CNTNAP2: variants seen among roughly 807,000 people sequenced by gnomAD.
CNTNAP2 encodes contactin associated protein 2, also known as contactin-associated protein-like 2.
A neutral mutation model predicts 155.2 loss-of-function variants in CNTNAP2; 98 were observed. The observed-to-expected ratio is 0.63, with a 90% CI of 0.54 to 0.75. The LOEUF is 0.75. Among genes scored for constraint, CNTNAP2 ranks in the 30% least tolerant of loss-of-function variants. The probability of loss-of-function intolerance (pLI) is 0.00; values close to 1 mark genes in which losing one functional copy is unlikely to be tolerated. For missense variants in CNTNAP2, 1,727 were observed against 1,688.1 expected (o/e 1.02, Z -0.40); for synonymous variants, 651 against 631.2 (o/e 1.03, Z -0.47).
At chr7:146,454,295 T>C (rs1796524065) in intron 1 of CNTNAP2, among the ~76,000 whole-genome samples, 1 of 152,208 alleles carries the variant, frequency 6.6e-6, no homozygotes, top group Admixed American at 6.5e-5. Flanking sequence ...GAAGTATTTC[T>C]TACCCCCTTT....
intron 1 of CNTNAP2, among the ~76,000 whole-genome samples, chr7:146,245,277 G>A (rs1363608814): frequency 2.0e-5 from 3 of 151,990 alleles, no homozygotes; most frequent in African/African-American, 7.3e-5. Flanking sequence ...ATTGAAGTCC[G>A]GGCCAGGAAC....
chr7:148,341,955 T>C (rs9648853), intron 21 of CNTNAP2, among the ~76,000 whole-genome samples: 59,192 of 152,052 alleles, frequency 0.39, 12,260 homozygotes, highest in East Asian at 0.66. Context: ...TTCCCGAGGT[T>C]TGTGTTGTGC....
intron 11 of CNTNAP2, among the ~76,000 whole-genome samples, chr7:147,489,233 G>A (rs1023195460): frequency 2.0e-5 from 3 of 152,140 alleles, no homozygotes; most frequent in African/African-American, 7.2e-5. Flanking sequence ...ATTATATGTA[G>A]GGCTTAGAGG....
At chr7:147,578,455 G>T (rs10952696) in intron 12 of CNTNAP2, among the ~76,000 whole-genome samples, 104,137 of 151,232 alleles carry the variant, frequency 0.69, 36,381 homozygotes, top group African/African-American at 0.81. Flanking sequence ...CTACAGACAT[G>T]ACCTTATTCA....
At chr7:146,920,741 T>A (rs1005566117) in intron 3 of CNTNAP2, among the ~76,000 whole-genome samples, 1 of 152,194 alleles carries the variant, frequency 6.6e-6, no homozygotes, top group African/African-American at 2.4e-5. Flanking sequence ...GGTTGTGGAT[T>A]TTAGTTAATC....
intron 14 of CNTNAP2, among the ~76,000 whole-genome samples, chr7:147,966,035 GC>G (rs1480952758): frequency 6.6e-6 from 1 of 152,130 alleles, no homozygotes; most frequent in Non-Finnish European, 1.5e-5. Context: ...CACTAGGGGA[GC>G]AAAATGACCT....
At chr7:146,516,245 C>T (rs978145869) in intron 1 of CNTNAP2, among the ~76,000 whole-genome samples, 4 of 151,956 alleles carry the variant, frequency 2.6e-5, no homozygotes, top group African/African-American at 7.2e-5. Flanking sequence ...GAAAAAAGCA[C>T]ATGGTGCCAG....
intron 8 of CNTNAP2, among the ~76,000 whole-genome samples, chr7:147,246,563 G>C (rs948038646): frequency 1.3e-5 from 2 of 152,078 alleles, no homozygotes; most frequent in African/African-American, 4.8e-5. Flanking sequence ...GGGCCTCTAA[G>C]GGCATTAATT....
chr7:148,078,113 G>A (rs1803529717), intron 15 of CNTNAP2, among the ~76,000 whole-genome samples: 2 of 151,990 alleles, frequency 1.3e-5, no homozygotes, highest in African/African-American at 4.8e-5. Context: ...ACCCAGGCTG[G>A]AGTGCAGTGG....
intron 4 of CNTNAP2, among the ~76,000 whole-genome samples, chr7:147,079,999 C>CTTT (rs33992262): frequency 8.9e-6 from 1 of 112,888 alleles, no homozygotes; most frequent in Non-Finnish European, 1.9e-5. Flanking sequence ...AAGCCTAGTC[C>CTTT]TTTTTTTTTT....
rs1030466278 is a variant in CNTNAP2, at chr7:147,224,518, T to C, written c.1349-75623T>C. On this transcript the variant is annotated intron_variant, in intron 8 of 23. Coordinates refer to ENST00000361727, the MANE Select transcript of CNTNAP2 (RefSeq NM_014141.6). The stretch of plus-strand genomic sequence containing the variant: ...GTGCTACCGTAACAGTGTGACACTT[T>C]CTACCCTTCTTGACTAGAATACTAA... 2.6e-5 allele frequency among the ~76,000 whole-genome samples: 4 copies of C among 152,188 alleles called. No homozygotes were observed. The East Asian group carries it at 5.8e-4, about 22-fold the overall frequency.
intron 15 of CNTNAP2, among the ~76,000 whole-genome samples, chr7:148,091,203 A>G (rs1166800606): frequency 6.6e-6 from 1 of 152,176 alleles, no homozygotes; most frequent in Admixed American, 6.6e-5. Flanking sequence ...GAAAATTGCT[A>G]TGAGAGTGGA....
intron 1 of CNTNAP2, among the ~76,000 whole-genome samples, chr7:146,680,474 A>G (rs1300593468): frequency 6.6e-6 from 1 of 152,188 alleles, no homozygotes; most frequent in Non-Finnish European, 1.5e-5. Flanking sequence ...CCTTGATTAC[A>G]GCAGCTGAAG....
intron 14 of CNTNAP2, among the ~76,000 whole-genome samples, chr7:147,973,119 A>C (rs1444084918): frequency 6.9e-6 from 1 of 145,690 alleles, no homozygotes; most frequent in East Asian, 2.2e-4. Flanking sequence ...GCACCACTGC[A>C]CTCTGGCCTG....
chr7:146,558,374 C>A (rs1798227836), intron 1 of CNTNAP2, among the ~76,000 whole-genome samples: 1 of 152,108 alleles, frequency 6.6e-6, no homozygotes, highest in Admixed American at 6.6e-5. Flanking sequence ...ATCAGCATAG[C>A]TGATGGATTA....
At chr7:148,363,002 C>T (rs1227558220) in intron 21 of CNTNAP2, among the ~76,000 whole-genome samples, 4 of 151,262 alleles carry the variant, frequency 2.6e-5, no homozygotes, top group East Asian at 1.9e-4. Flanking sequence ...TTTTTTTAAA[C>T]GGAGTTTCGC....
At chr7:147,043,126 A>T (rs58583544) in intron 3 of CNTNAP2, among the ~76,000 whole-genome samples, 1 of 152,056 alleles carries the variant, frequency 6.6e-6, no homozygotes, top group East Asian at 1.9e-4. Context: ...TTGAGAGTCG[A>T]GTCTATGGTT....
At chr7:147,293,885 A>G (rs968738084) in intron 8 of CNTNAP2, among the ~76,000 whole-genome samples, 2 of 152,230 alleles carry the variant, frequency 1.3e-5, no homozygotes, top group Admixed American at 6.5e-5. Flanking sequence ...TAGAGAAAAT[A>G]TTATAAAACA....
chr7:146,327,342 T>C (rs1018861225), intron 1 of CNTNAP2, among the ~76,000 whole-genome samples: 6 of 152,148 alleles, frequency 3.9e-5, no homozygotes, highest in African/African-American at 1.4e-4. Flanking sequence ...AACATTAAAT[T>C]TACAAGAAAA....
Sources: allele counts gnomAD v4.1 joint callset (sites outside exome capture counted in the v4.1 genomes callset), GRCh38; gene constraint gnomAD v4.1.1; transcripts MANE v1.5; gene names NCBI Gene and HGNC (gene_info 2026-07-23, HGNC 2026-07-21).